The following ERICH3 variants were observed in gnomAD, a reference collection of about 807,000 sequenced individuals.
ERICH3 encodes glutamate-rich protein 3.
In ERICH3, 126 loss-of-function variants were observed where a neutral mutation model predicts 131.1. The ratio of observed to expected loss-of-function variants is 0.96; its 90% CI spans 0.83 to 1.11. ERICH3 has a LOEUF of 1.11. Ranked by LOEUF, ERICH3 falls within the 50% of genes most tolerant of loss-of-function variation. The pLI is 0.00. For missense variants in ERICH3, 2,050 were observed against 1,810.7 expected (o/e 1.13, Z -2.40); for synonymous variants, 695 against 644.6 (o/e 1.08, Z -1.18).
At chr1:74,631,332 A>G (rs1460289021) in intron 7 of ERICH3, among the ~76,000 whole-genome samples, 1 of 152,118 alleles carries the variant, frequency 6.6e-6, no homozygotes, top group Admixed American at 6.6e-5. Flanking sequence ...AAATTGTTCA[A>G]AATAAACTAT....
intron 10 of ERICH3, 143 bp from the exon 11 acceptor site, chr1:74,600,074 C>T: frequency 1.7e-6 from 1 of 595,852 alleles, no homozygotes; most frequent in African/African-American, 1.9e-5. Context: ...AATTAGTGAA[C>T]ATGGAAAACT....
At chr1:74,585,374 T>C (rs890250219) in intron 12 of ERICH3, among the ~76,000 whole-genome samples, 2 of 152,204 alleles carry the variant, frequency 1.3e-5, no homozygotes. Flanking sequence ...TTCATCTGAT[T>C]TGTTGATGGA....
chr1:74,588,096 C>G (rs1647417738), intron 12 of ERICH3, among the ~76,000 whole-genome samples: 1 of 152,170 alleles, frequency 6.6e-6, no homozygotes, highest in Non-Finnish European at 1.5e-5. Flanking sequence ...AAACTCTGTT[C>G]TAGAGTTATT....
At chr1:74,581,981 G>T (rs551233435) in intron 12 of ERICH3, among the ~76,000 whole-genome samples, 1 of 152,280 alleles carries the variant, frequency 6.6e-6, no homozygotes, top group Admixed American at 6.5e-5. Flanking sequence ...TTCTGTGGTT[G>T]CAAGAGCTTC....
chr1:74,590,403 T>C (rs1647535642), intron 11 of ERICH3, among the ~76,000 whole-genome samples: 1 of 152,134 alleles, frequency 6.6e-6, no homozygotes. Context: ...CAACTGACAA[T>C]AATATAGAAT....
chr1:74,579,445 A>T (rs1647137215), intron 12 of ERICH3: 2 of 985,294 alleles, frequency 2.0e-6, no homozygotes, highest in African/African-American at 1.7e-5. Context: ...TGTCTCAGGG[A>T]TGTTATCACC....
At position 74,673,625 on chromosome 1, in the gene ERICH3, C is replaced by G; in HGVS notation, c.-106G>C. ...GTCGCGCTCGAGGGGTGGCTCCGCACCGAGGTCCCCTGTGCGCGGGCACCT... is the reference window on the plus strand; with the variant it reads ...GTCGCGCTCGAGGGGTGGCTCCGCAGCGAGGTCCCCTGTGCGCGGGCACCT... On this transcript the variant is annotated 5_prime_UTR_variant, in exon 1 of 15. Coordinates refer to ENST00000326665, the MANE Select transcript of ERICH3 (RefSeq NM_001002912.5). 2 of 1,308,060 alleles carry G rather than the reference C, an allele frequency of 1.5e-6. No individual in the cohort carries two copies. Among genetic ancestry groups the G allele is most frequent in the South Asian group, 1.4e-5 (1 of 72,434 alleles). 81.0% of individuals were successfully genotyped at this position (1,308,060 alleles called of 1,614,324 possible).
chr1:74,578,871 C>G (rs1647124978), intron 12 of ERICH3, among the ~76,000 whole-genome samples: 1 of 152,070 alleles, frequency 6.6e-6, no homozygotes, highest in Non-Finnish European at 1.5e-5. Flanking sequence ...AGTGAAATAC[C>G]TGCCTTAAAT....
intron 5 of ERICH3, among the ~76,000 whole-genome samples, chr1:74,638,953 G>A (rs1332675026): frequency 1.3e-5 from 2 of 152,138 alleles, no homozygotes; most frequent in Non-Finnish European, 2.9e-5. Flanking sequence ...ATGGGGAGGA[G>A]ACCCTTTTGT....
In ERICH3 at chr1:74,572,075, C is replaced by G. The variant is rs1356466591; in HGVS notation, c.3635G>C (p.Gly1212Ala). The G allele has an allele frequency of 2.5e-6, 4 of 1,614,114 alleles. No individual in the cohort carries two copies. The Admixed American group carries it at 6.7e-5, about 27-fold the overall frequency. Residue 1212 changes from glycine (G) to alanine (A), a missense_variant, in exon 14 of 15, where the codon GGA becomes GCA. Physicochemically the swap from Gly to Ala is moderately conservative, Grantham distance 60. Coordinates refer to ENST00000326665, the MANE Select transcript of ERICH3 (RefSeq NM_001002912.5). ...RALKEGHRQDGEGALAAPEAE... is the reference protein window; with the variant it reads ...RALKEGHRQDAEGALAAPEAE... ...TTCAGGAGCTGCTAAGGCCCCCTCT[C>G]CATCTTGGCGGTGCCCTTCCTTCAG...
intron 10 of ERICH3, among the ~76,000 whole-genome samples, chr1:74,602,529 C>T (rs1357398203): frequency 6.6e-6 from 1 of 151,946 alleles, no homozygotes; most frequent in Non-Finnish European, 1.5e-5. Context: ...CTAGCCACAA[C>T]CTTCTCTTGC....
intron 8 of ERICH3, among the ~76,000 whole-genome samples, chr1:74,613,809 G>A (rs557954658): frequency 2.0e-5 from 3 of 152,222 alleles, no homozygotes; most frequent in African/African-American, 7.2e-5. Context: ...ATTCTCTGCA[G>A]AGTGACTCAA....
chr1:74,571,503 C>T lies in ERICH3; in HGVS notation c.4207G>A (p.Val1403Met). 1.9e-6 allele frequency: 3 copies of T among 1,614,142 alleles called. No homozygotes were observed. The highest frequency in any genetic ancestry group is 2.2e-5 in the East Asian group (1 of 44,866). Reference sequence around the variant, plus strand: ...CTCCGTGCTAATTCCTCTACCACCACCTTCCCTGCAGCTGCTGTTTTTCCT... The same window carrying T: ...CTCCGTGCTAATTCCTCTACCACCATCTTCCCTGCAGCTGCTGTTTTTCCT... ...LVGKTAAAGK[V>M]VVEELARSGE... The change falls in exon 14 of 15, where the codon GTG (valine) becomes ATG (methionine). Residue 1403 changes from valine (V) to methionine (M), a missense_variant. By Grantham distance (21) the Val-to-Met change is conservative. Coordinates refer to ENST00000326665, the MANE Select transcript of ERICH3 (RefSeq NM_001002912.5).
intron 2 of ERICH3, among the ~76,000 whole-genome samples, chr1:74,647,623 T>G (rs991778570): frequency 6.6e-6 from 1 of 152,130 alleles, no homozygotes; most frequent in East Asian, 1.9e-4. Flanking sequence ...TGTATTGTTT[T>G]CTATCCCCTG....
intron 1 of ERICH3, among the ~76,000 whole-genome samples, chr1:74,671,580 T>A (rs888519097): frequency 6.6e-6 from 1 of 152,166 alleles, no homozygotes; most frequent in Admixed American, 6.5e-5. Flanking sequence ...GAATCTATGT[T>A]GAAATATTGG....
At chr1:74,599,991 T>C in intron 10 of ERICH3, 60 bp from the exon 11 acceptor site, 1 of 1,221,916 alleles carries the variant, frequency 8.2e-7, no homozygotes, top group African/African-American at 1.5e-5. Context: ...CTTAACCTAT[T>C]TCTCTCTAAT....
intron 3 of ERICH3, among the ~76,000 whole-genome samples, chr1:74,646,372 T>C (rs1424449092): frequency 6.6e-6 from 1 of 152,046 alleles, no homozygotes; most frequent in Non-Finnish European, 1.5e-5. Context: ...ATTTGGAAAA[T>C]TAAATATCAC....
intron 1 of ERICH3, among the ~76,000 whole-genome samples, chr1:74,655,256 T>A (rs1389103363): frequency 6.6e-6 from 1 of 152,206 alleles, no homozygotes; most frequent in African/African-American, 2.4e-5. Flanking sequence ...TAATAAAGTG[T>A]TCATTAGTTT....
At chr1:74,633,271 A>G (rs979458693) in intron 6 of ERICH3, among the ~76,000 whole-genome samples, 2 of 151,964 alleles carry the variant, frequency 1.3e-5, no homozygotes, top group African/African-American at 4.8e-5. Context: ...AAAGAGATTT[A>G]AGTGGATATT....
Sources: allele counts gnomAD v4.1 joint callset (sites outside exome capture counted in the v4.1 genomes callset), GRCh38; gene constraint gnomAD v4.1.1; transcripts MANE v1.5; gene names NCBI Gene and HGNC (gene_info 2026-07-23, HGNC 2026-07-21).